The following MED13 variants were observed in gnomAD, a reference collection of about 807,000 sequenced individuals.
MED13 encodes mediator complex subunit 13.
Under a neutral mutation model 225.2 loss-of-function variants are expected in MED13, and 23 were observed. That is an observed-to-expected ratio of 0.10 (90% CI 0.07 to 0.14). MED13 has a LOEUF of 0.14. Among genes scored for constraint, MED13 ranks in the 10% least tolerant of loss-of-function variants. The pLI is 1.00. For missense variants in MED13, 2,197 were observed against 2,594.5 expected, an observed-to-expected ratio of 0.85 and a Z score of 3.33; for synonymous variants, 942 against 889.2, an observed-to-expected ratio of 1.06 and a Z score of -1.06.
At chr17:62,044,910 C>A (rs543676724) in intron 3 of MED13, among the ~76,000 whole-genome samples, 1 of 152,184 alleles carries the variant, frequency 6.6e-6, no homozygotes. Flanking sequence ...GATCTGCCTG[C>A]CTTGGCCTCC....
At position 61,950,853 on chromosome 17, in the gene MED13, G is replaced by A. The variant is rs1480736961; in HGVS notation, c.6263C>T (p.Ala2088Val). 3 of 1,613,378 alleles carry A rather than the reference G, an allele frequency of 1.9e-6. No individual in the cohort carries two copies. Among genetic ancestry groups the A allele is most frequent in the East Asian group, 4.5e-5 (2 of 44,846 alleles). The change falls in exon 28 of 30, where the codon GCA becomes GTA. Residue 2088 changes from alanine to valine, a missense_variant. Physicochemically the swap from Ala to Val is moderately conservative, Grantham distance 64. Around this residue, in one of 12 missense-constraint regions of MED13, gnomAD observed 216 missense variants for 388.9 expected, o/e 0.56. Coordinates refer to ENST00000397786, the MANE Select transcript of MED13 (RefSeq NM_005121.3). ...PDWFWSACPQ[A>V]QYQCPLFLKA... ...AAGAAAAAGGGGACACTGATATTGT[G>A]CTTGAGGACATGCTGACCAGAACCA...
intron 10 of MED13, among the ~76,000 whole-genome samples, chr17:61,993,443 C>T (rs937173171): frequency 6.6e-6 from 1 of 150,784 alleles, no homozygotes; most frequent in African/African-American, 2.4e-5. Context: ...CTCAGGTGAT[C>T]TGCCCGCCTC....
chr17:61,956,205 G>C, intron 24 of MED13, 134 bp downstream of exon 24: 1 of 845,046 alleles, frequency 1.2e-6, no homozygotes, highest in African/African-American at 1.8e-5. Context: ...TAAGCCATTT[G>C]TGGCCTAGAC....
At chr17:62,040,559 T>C (rs947738947) in intron 3 of MED13, among the ~76,000 whole-genome samples, 11 of 152,340 alleles carry the variant, frequency 7.2e-5, no homozygotes, top group Admixed American at 2.0e-4. Flanking sequence ...AACCTATTTC[T>C]AGCATTTGTA....
chr17:62,049,857 G>A (rs1276976636), intron 3 of MED13, among the ~76,000 whole-genome samples: 2 of 146,862 alleles, frequency 1.4e-5, no homozygotes, highest in Non-Finnish European at 3.0e-5. Flanking sequence ...GTGAACCAGG[G>A]AGGCAGAGCT....
At chr17:61,974,124 C>T (rs909286520) in intron 16 of MED13, among the ~76,000 whole-genome samples, 6 of 152,020 alleles carry the variant, frequency 3.9e-5, no homozygotes, top group East Asian at 1.9e-4. Flanking sequence ...AAAATGCTAA[C>T]GGGCCGGGCT....
chr17:62,037,525 G>C (rs1340547081), intron 3 of MED13, among the ~76,000 whole-genome samples: 1 of 150,798 alleles, frequency 6.6e-6, no homozygotes, highest in Non-Finnish European at 1.5e-5. Flanking sequence ...ATTAGCCGGA[G>C]GTGCAGTGGT....
rs1451287144 is a variant in MED13, at chr17:61,961,846, T to A, written c.5065-67A>T. ...AAGAGAATAACAGGAACTGTGGGTC[T>A]AAAACTCTAAAAACTTTTTACTAGA... On this transcript the variant is annotated intron_variant, in intron 21 of 29. Transcript: ENST00000397786. The A allele has an allele frequency of 3.5e-6, 5 of 1,418,174 alleles. No individual in the cohort carries two copies. The African/African-American group carries it at 5.8e-5, about 16-fold the overall frequency. 87.8% of individuals were successfully genotyped at this position (1,418,174 alleles called of 1,614,324 possible).
At chr17:61,966,353 A>C (rs1279136061) in intron 19 of MED13, 109 bp downstream of exon 19, 21 of 871,474 alleles carry the variant, frequency 2.4e-5, no homozygotes, top group Middle Eastern at 2.6e-4. Flanking sequence ...GAGAAAATAC[A>C]TAAATGAGGA....
chr17:62,014,232 T>C (rs1002331546), intron 8 of MED13, among the ~76,000 whole-genome samples: 1 of 151,560 alleles, frequency 6.6e-6, no homozygotes, highest in African/African-American at 2.4e-5. Context: ...TTGAGTCTAA[T>C]CAAGTAATCA....
intron 16 of MED13, among the ~76,000 whole-genome samples, chr17:61,979,954 C>T (rs553285840): frequency 7.9e-5 from 12 of 152,174 alleles, no homozygotes; most frequent in Admixed American, 2.0e-4. Flanking sequence ...TTTGGGAGGC[C>T]GAGGCAGGTG....
intron 3 of MED13, among the ~76,000 whole-genome samples, chr17:62,048,685 T>C (rs2080925501): frequency 6.6e-6 from 1 of 152,042 alleles, no homozygotes; most frequent in African/African-American, 2.4e-5. Flanking sequence ...GCTTATACCC[T>C]CTAGTCAGAG....
At chr17:61,956,269 G>A in intron 24 of MED13, 70 bp downstream of exon 24, 1 of 1,436,308 alleles carries the variant, frequency 7.0e-7, no homozygotes, top group Admixed American at 2.1e-5. Flanking sequence ...TATATACCTA[G>A]ACGTGGTCAG....
In MED13 at chr17:62,029,543, C is replaced by G; in HGVS notation, c.1281G>C (p.Leu427Phe). 6.2e-7 allele frequency: 1 copy of G among 1,612,766 alleles called. No individual in the cohort carries two copies. Among genetic ancestry groups the G allele is most frequent in the Non-Finnish European group, 8.5e-7 (1 of 1,178,860 alleles). Reference sequence around the variant, plus strand: ...CAATCGATCGGGAAATAATCTACCTCAAACAACTGCAATTTGTTCTTTGTG... The same window carrying G: ...CAATCGATCGGGAAATAATCTACCTGAAACAACTGCAATTTGTTCTTTGTG... ...EATQRTNCSC[L>F]RHKNLKSRNA... Residue 427 changes from leucine (L) to phenylalanine (F), a missense_variant and splice_region_variant, in exon 8 of 30, where the codon TTG (leucine) becomes TTC (phenylalanine). Physicochemically the swap from Leu to Phe is conservative, Grantham distance 22. This residue lies in a region of MED13 where 884 missense variants were observed against 918.5 expected (regional missense o/e 0.96). Transcript: ENST00000397786.
chr17:61,981,484 C>T (rs774546752), intron 16 of MED13, among the ~76,000 whole-genome samples: 2 of 150,758 alleles, frequency 1.3e-5, no homozygotes, highest in Non-Finnish European at 2.9e-5. Context: ...ATTTCATCTC[C>T]TTCCAGTCTC....
chr17:62,024,078 C>T (rs9914605), intron 8 of MED13, among the ~76,000 whole-genome samples: 13,440 of 151,490 alleles, frequency 0.089, 2,031 homozygotes, highest in African/African-American at 0.31. Flanking sequence ...AGTGCAGTAA[C>T]GCCATCTTGG....
At chr17:62,006,009 C>CT (rs2080443614) in intron 9 of MED13, 1 of 152,084 alleles carries the variant, frequency 6.6e-6, no homozygotes, top group African/African-American at 2.4e-5. Flanking sequence ...GAATAAATCT[C>CT]TAACAGTAGG....
At chr17:62,019,183 G>A (rs573913389) in intron 8 of MED13, among the ~76,000 whole-genome samples, 84 of 152,280 alleles carry the variant, frequency 5.5e-4, no homozygotes, top group African/African-American at 1.9e-3. Context: ...CCAGCAATAG[G>A]CCGAATGCAG....
At chr17:61,990,670 A>G (rs1010685211) in intron 11 of MED13, among the ~76,000 whole-genome samples, 19 of 146,294 alleles carry the variant, frequency 1.3e-4, no homozygotes, top group African/African-American at 5.1e-4. Context: ...CCCCCAAAAC[A>G]TCATGTTGTA....
Sources: gnomAD v4.1 joint callset for allele counts (sites outside exome capture counted in the v4.1 genomes callset) on GRCh38, gnomAD v4.1.1 for gene constraint, gnomAD v4.1.1 regional missense constraint, MANE v1.5 for transcripts, NCBI Gene and HGNC (gene_info 2026-07-23, HGNC 2026-07-21) for gene names.